GIGYF2: variants seen among roughly 807,000 people sequenced by gnomAD.
The protein encoded by GIGYF2 is GRB10-interacting GYF protein 2.
GIGYF2 carries 25 observed loss-of-function variants against 208.1 expected under a neutral mutation model. The observed-to-expected ratio is 0.12, with a 90% CI of 0.09 to 0.17. The LOEUF (loss-of-function observed/expected upper bound fraction) is 0.17, where lower values mean the gene tolerates loss of function less well. GIGYF2 is among the 10% of genes least tolerant of loss of function. The pLI is 1.00. For missense variants in GIGYF2, 1,302 were observed against 1,579.4 expected (o/e 0.82, Z 2.98); for synonymous variants, 534 against 543.8 (o/e 0.98, Z 0.25).
chr2:232,832,777 A>G, intron 21 of GIGYF2, 80 bp from the exon 22 acceptor site: 1 of 1,023,876 alleles, frequency 9.8e-7, no homozygotes, highest in Non-Finnish European at 1.5e-6. Flanking sequence ...GCCATTTGAC[A>G]GAAGCTTTCA....
chr2:232,785,064 C>T (rs1867776), intron 8 of GIGYF2, among the ~76,000 whole-genome samples: 1,872 of 151,698 alleles, frequency 0.012, 44 homozygotes, highest in African/African-American at 0.043. Context: ...TGCAGAACCA[C>T]GAGCCAAATA....
At chr2:232,787,371 A>G (rs1361626458) in intron 9 of GIGYF2, 42 bp downstream of exon 9, 4 of 1,549,940 alleles carry the variant, frequency 2.6e-6, no homozygotes, top group Admixed American at 3.4e-5. Context: ...GACTGAAATA[A>G]GGGAAAGTTT....
intron 8 of GIGYF2, among the ~76,000 whole-genome samples, chr2:232,779,024 G>T (rs1042318599): frequency 6.6e-6 from 1 of 152,152 alleles, no homozygotes; most frequent in African/African-American, 2.4e-5. Context: ...CTCTCAGTTT[G>T]CAGTAATGAG....
At chr2:232,703,730 A>C (rs976182449) in intron 2 of GIGYF2, among the ~76,000 whole-genome samples, 1 of 152,198 alleles carries the variant, frequency 6.6e-6, no homozygotes, top group Non-Finnish European at 1.5e-5. Context: ...GGCAAGAAAC[A>C]AGGAGGAATG....
rs10555297 is a variant in GIGYF2 at position 232,847,516 on chromosome 2, CACA to C, written c.3630_3632del (p.Gln1216del). ...CAGCAGCGTCAGCAGCAGCAGCTGCCACAGCAGCAGCAGCAGCAGCCGCCACAG... is the reference window on the plus strand; with the variant it reads ...CAGCAGCGTCAGCAGCAGCAGCTGCCGCAGCAGCAGCAGCAGCCGCCACAG... On this transcript the variant is annotated inframe_deletion, in exon 27 of 29. Coordinates refer to ENST00000373563, the MANE Select transcript of GIGYF2 (RefSeq NM_001103146.3). 876,542 of 1,526,600 alleles carry C rather than the reference CACA, an allele frequency of 0.57. 244,405 individuals are homozygous for C. The highest frequency in any genetic ancestry group is 0.64 in the Admixed American group (37,101 of 57,552). 94.6% of individuals were successfully genotyped at this position (1,526,600 alleles called of 1,614,324 possible).
rs557364792 is a variant in GIGYF2 at position 232,749,096 on chromosome 2, T to G, written c.267+14T>G. 1.3e-5 allele frequency: 17 copies of G among 1,271,604 alleles called. 1 individual carries two copies. The South Asian group carries it at 2.0e-4, about 15-fold the overall frequency. 78.8% of individuals were successfully genotyped at this position (1,271,604 alleles called of 1,614,324 possible). On this transcript the variant is annotated intron_variant, in intron 5 of 28. Coordinates refer to ENST00000373563, the MANE Select transcript of GIGYF2 (RefSeq NM_001103146.3). Reference sequence around the variant, plus strand: ...GAAGAAGAACAGGTTTGTGATTAGCTCTGAGCCCCAGCAAACTCTTATTCT... The same window carrying G: ...GAAGAAGAACAGGTTTGTGATTAGCGCTGAGCCCCAGCAAACTCTTATTCT...
intron 21 of GIGYF2, among the ~76,000 whole-genome samples, chr2:232,822,627 C>G (rs4973561): frequency 0.64 from 97,265 of 151,206 alleles, 31,767 homozygotes; most frequent in African/African-American, 0.72. Context: ...GTTGCAGTGA[C>G]CCGAGGCACC....
At chr2:232,779,758 C>A (rs1158448652) in intron 8 of GIGYF2, among the ~76,000 whole-genome samples, 1 of 152,112 alleles carries the variant, frequency 6.6e-6, no homozygotes, top group Non-Finnish European at 1.5e-5. Flanking sequence ...TTTCAGGACT[C>A]TTGTTAACCA....
intron 1 of GIGYF2, among the ~76,000 whole-genome samples, chr2:232,699,483 C>CA (rs1695748856): frequency 6.6e-6 from 1 of 152,188 alleles, no homozygotes; most frequent in Admixed American, 6.5e-5. Flanking sequence ...CCAGCCTCCC[C>CA]AACCCCCTTA....
At chr2:232,836,306 A>T (rs1434742517) in intron 22 of GIGYF2, among the ~76,000 whole-genome samples, 263 of 19,974 alleles carry the variant, frequency 0.013, 10 homozygotes, top group Admixed American at 0.037. Context: ...ATATATATAT[A>T]TATATATATA....
At position 232,790,930 on chromosome 2, in the gene GIGYF2, T is replaced by C; in HGVS notation, c.930+15T>C. 6.2e-7 allele frequency: 1 copy of C among 1,613,208 alleles called. No homozygotes were observed. The highest frequency in any genetic ancestry group is 8.5e-7 in the Non-Finnish European group (1 of 1,179,164). ...TTTCTCTAAAAGTAAGAAACGTGTT[T>C]TAAATGTCATGACCAGCATTAACCT... On this transcript the variant is annotated intron_variant, in intron 10 of 28. Transcript: ENST00000373563.
intron 28 of GIGYF2, among the ~76,000 whole-genome samples, chr2:232,856,258 ATTTTG>A (rs1028126840): frequency 1.4e-4 from 21 of 152,058 alleles, no homozygotes; most frequent in African/African-American, 4.8e-4. Flanking sequence ...TGGTGATGCT[ATTTTG>A]TTTTATTTTC....
intron 8 of GIGYF2, chr2:232,767,986 G>A: frequency 3.5e-6 from 2 of 572,128 alleles, no homozygotes; most frequent in Non-Finnish European, 6.2e-6. Context: ...ATTGATTTCA[G>A]CAGGTAACAA....
At chr2:232,849,069 CA>C (rs1347605289) in intron 27 of GIGYF2, among the ~76,000 whole-genome samples, 1 of 152,118 alleles carries the variant, frequency 6.6e-6, no homozygotes, top group Non-Finnish European at 1.5e-5. Context: ...GTGGAAGATA[CA>C]GAGAAGTACA....
chr2:232,734,373 T>G (rs1172354345), intron 2 of GIGYF2: 1 of 152,098 alleles, frequency 6.6e-6, no homozygotes, highest in Non-Finnish European at 1.5e-5. Context: ...ACTACAGGCA[T>G]GTACCACCAT....
intron 6 of GIGYF2, 27 bp from the exon 7 acceptor site, chr2:232,760,453 C>A: frequency 1.4e-6 from 2 of 1,434,938 alleles, no homozygotes; most frequent in Non-Finnish European, 2.0e-6. Flanking sequence ...ATCTGACTAT[C>A]ATTTTTTTCT....
intron 2 of GIGYF2, among the ~76,000 whole-genome samples, chr2:232,708,466 A>T (rs1008066066): frequency 6.6e-6 from 1 of 152,146 alleles, no homozygotes; most frequent in Admixed American, 6.6e-5. Flanking sequence ...ACTGGAAAAA[A>T]AAAGCAATAT....
chr2:232,710,498 T>C (rs1489845891), intron 2 of GIGYF2, among the ~76,000 whole-genome samples: 1 of 152,230 alleles, frequency 6.6e-6, no homozygotes, highest in African/African-American at 2.4e-5. Flanking sequence ...TGCCAGGTGC[T>C]GGACTAGCCC....
rs894736273 is a variant in GIGYF2 at position 232,813,187 on chromosome 2, CTTTTTTT to C, written c.2107+710_2107+716del. Among the ~76,000 whole-genome samples the C allele has an allele frequency of 6.8e-3, 843 of 123,890 alleles. 38 individuals are homozygous for C. The highest frequency in any genetic ancestry group is 0.055 in the Admixed American group (689 of 12,570). 81.3% of individuals were successfully genotyped at this position (123,890 alleles called of 152,430 possible). On this transcript the variant is annotated intron_variant, in intron 18 of 28. Coordinates refer to ENST00000373563, the MANE Select transcript of GIGYF2 (RefSeq NM_001103146.3). ...TGAAGCACCGCTGTTTCTTTGCTTT[CTTTTTTT>C]TTTTTTTTTTTTTGAGACAGACTCT...
Sources: gnomAD v4.1 joint callset for allele counts (sites outside exome capture counted in the v4.1 genomes callset) on GRCh38, gnomAD v4.1.1 for gene constraint, MANE v1.5 for transcripts, NCBI Gene and HGNC (gene_info 2026-07-23, HGNC 2026-07-21) for gene names.